NRG3: variants seen among roughly 807,000 people sequenced by gnomAD.
NRG3 encodes the protein neuregulin 3.
In NRG3, 31 loss-of-function variants were observed where a neutral mutation model predicts 66.9. The ratio of observed to expected loss-of-function variants is 0.46; its 90% CI spans 0.35 to 0.63. The LOEUF (loss-of-function observed/expected upper bound fraction) is 0.63. Ranked by LOEUF, NRG3 falls within the 20% of genes least tolerant of loss-of-function variation. The pLI, the probability that NRG3 is intolerant of heterozygous loss-of-function variation, is 0.00. For synonymous variants in NRG3, 393 were observed against 359.4 expected (o/e 1.09, Z -1.06); for missense variants, 910 against 878.9 (o/e 1.04, Z -0.45).
At chr10:81,935,893 A>G (rs912135251) in intron 1 of NRG3, among the ~76,000 whole-genome samples, 10 of 148,456 alleles carry the variant, frequency 6.7e-5, no homozygotes, top group African/African-American at 2.6e-4. Flanking sequence ...ACACACACAC[A>G]CACACACACA....
intron 1 of NRG3, among the ~76,000 whole-genome samples, chr10:81,959,156 G>A (rs1427670996): frequency 6.6e-6 from 1 of 152,072 alleles, no homozygotes; most frequent in African/African-American, 2.4e-5. Flanking sequence ...GAAGAATGTT[G>A]CACAGTCACT....
intron 1 of NRG3, among the ~76,000 whole-genome samples, chr10:82,293,926 A>AT (rs5786543): frequency 0.48 from 71,834 of 151,120 alleles, 20,609 homozygotes; most frequent in African/African-American, 0.81. Context: ...TATTTTTGCA[A>AT]TTTTTTTTTC....
chr10:81,972,248 A>G (rs1462420570), intron 1 of NRG3, among the ~76,000 whole-genome samples: 13 of 152,200 alleles, frequency 8.5e-5, no homozygotes, highest in Non-Finnish European at 1.5e-4. Context: ...TAGGAATACA[A>G]AAGTAAATAT....
At chr10:82,576,320 C>T (rs1319304095) in intron 2 of NRG3, among the ~76,000 whole-genome samples, 1 of 151,498 alleles carries the variant, frequency 6.6e-6, no homozygotes, top group African/African-American at 2.4e-5. Context: ...TACTTTTCCC[C>T]CATGTACTTC....
chr10:82,233,751 C>T (rs1458411554), intron 1 of NRG3, among the ~76,000 whole-genome samples: 1 of 152,142 alleles, frequency 6.6e-6, no homozygotes, highest in Non-Finnish European at 1.5e-5. Context: ...GGAGGTCAAA[C>T]CAGAAACCAT....
chr10:82,166,702 T>C (rs2072086295), intron 1 of NRG3: 2 of 571,740 alleles, frequency 3.5e-6, no homozygotes, highest in Admixed American at 5.0e-5. Flanking sequence ...TTACCATTTC[T>C]GGTGCTCTTC....
chr10:82,885,629 A>G (rs1478856073), intron 4 of NRG3, among the ~76,000 whole-genome samples: 1 of 152,256 alleles, frequency 6.6e-6, no homozygotes, highest in African/African-American at 2.4e-5. Context: ...CAAAATATAC[A>G]TTGTAAGCCA....
chr10:82,741,714 G>C, intron 3 of NRG3, among the ~76,000 whole-genome samples: 1 of 152,078 alleles, frequency 6.6e-6, no homozygotes, highest in South Asian at 2.1e-4. Flanking sequence ...GTTAATGCTA[G>C]AGTTTAACTT....
intron 2 of NRG3, among the ~76,000 whole-genome samples, chr10:82,609,601 A>G (rs1418275923): frequency 1.3e-5 from 2 of 151,176 alleles, no homozygotes; most frequent in Non-Finnish European, 2.9e-5. Context: ...AAAAAAAAAA[A>G]GAGAGAGAGA....
intron 2 of NRG3, among the ~76,000 whole-genome samples, chr10:82,363,110 G>A (rs1310306383): frequency 6.6e-6 from 1 of 151,920 alleles, no homozygotes; most frequent in Non-Finnish European, 1.5e-5. Context: ...TAACAAATAT[G>A]GCAAAGAATT....
At chr10:82,389,843 T>C (rs1480610481) in intron 2 of NRG3, among the ~76,000 whole-genome samples, 2 of 152,232 alleles carry the variant, frequency 1.3e-5, no homozygotes, top group African/African-American at 4.8e-5. Context: ...TCTGACTTTA[T>C]GAAGTCATTG....
intron 1 of NRG3, among the ~76,000 whole-genome samples, chr10:81,899,717 C>T (rs572796967): frequency 6.6e-6 from 1 of 152,320 alleles, no homozygotes; most frequent in East Asian, 1.9e-4. Flanking sequence ...GGCCTGGCCC[C>T]TGTTGACTCC....
chr10:82,890,873 TC>T (rs1473625864), intron 4 of NRG3, among the ~76,000 whole-genome samples: 1 of 152,160 alleles, frequency 6.6e-6, no homozygotes, highest in African/African-American at 2.4e-5. Context: ...CTTATTTGTC[TC>T]CCCTAAATGA....
chr10:82,644,028 C>G (rs900764889), intron 2 of NRG3, among the ~76,000 whole-genome samples: 1 of 152,100 alleles, frequency 6.6e-6, no homozygotes, highest in African/African-American at 2.4e-5. Context: ...GTTATAGCAG[C>G]AGTGATAAGT....
intron 5 of NRG3, among the ~76,000 whole-genome samples, chr10:82,956,164 T>C (rs1850030107): frequency 6.6e-6 from 1 of 151,994 alleles, no homozygotes; most frequent in Non-Finnish European, 1.5e-5. Context: ...AACAATGGAT[T>C]AATGATGTCT....
intron 3 of NRG3, among the ~76,000 whole-genome samples, chr10:82,785,305 G>A (rs1054026384): frequency 5.9e-5 from 9 of 151,480 alleles, no homozygotes; most frequent in East Asian, 1.9e-4. Context: ...GTATACATAC[G>A]TAACTAACCT....
chr10:82,917,545 T>C (rs182752564), intron 4 of NRG3, among the ~76,000 whole-genome samples: 1 of 152,236 alleles, frequency 6.6e-6, no homozygotes, highest in South Asian at 2.1e-4. Context: ...CCTCTAGCCA[T>C]AATCATTTTA....
chr10:82,198,932 G>A (rs1427881727), intron 1 of NRG3, among the ~76,000 whole-genome samples: 1 of 150,666 alleles, frequency 6.6e-6, no homozygotes, highest in African/African-American at 2.5e-5. Flanking sequence ...GGGAGGCGGA[G>A]GTTGCAGTGA....
intron 1 of NRG3, among the ~76,000 whole-genome samples, chr10:82,192,542 AT>A (rs1271281117): frequency 6.6e-6 from 1 of 152,170 alleles, no homozygotes; most frequent in Non-Finnish European, 1.5e-5. Context: ...CTGTGGACAC[AT>A]TTGGTGTAAA....
Sources: gnomAD v4.1 joint callset for allele counts (sites outside exome capture counted in the v4.1 genomes callset) on GRCh38, gnomAD v4.1.1 for gene constraint, MANE v1.5 for transcripts, NCBI Gene and HGNC (gene_info 2026-07-23, HGNC 2026-07-21) for gene names.